AAK1: variants seen among roughly 807,000 people sequenced by gnomAD.
AAK1 encodes AP2-associated protein kinase 1.
A neutral mutation model predicts 116.0 loss-of-function variants in AAK1; 37 were observed. That is an observed-to-expected ratio of 0.32 (90% CI 0.25 to 0.42). The LOEUF (loss-of-function observed/expected upper bound fraction) is 0.42, where lower values mean the gene tolerates loss of function less well. Among genes scored for constraint, AAK1 ranks in the 10% least tolerant of loss-of-function variants. The pLI is 1.00. For missense variants in AAK1, 919 were observed against 1,170.6 expected, an observed-to-expected ratio of 0.79 and a Z score of 3.14; for synonymous variants, 458 against 439.9, an observed-to-expected ratio of 1.04 and a Z score of -0.51.
chr2:69,558,738 CT>C (rs1671501057), intron 2 of AAK1, among the ~76,000 whole-genome samples: 1 of 152,142 alleles, frequency 6.6e-6, no homozygotes, highest in South Asian at 2.1e-4. Context: ...TGACATAGTA[CT>C]GGGTTAGGAG....
intron 9 of AAK1, among the ~76,000 whole-genome samples, chr2:69,525,482 T>C (rs1013455329): frequency 5.9e-5 from 9 of 152,210 alleles, no homozygotes; most frequent in Non-Finnish European, 1.3e-4. Context: ...AGGAAATGTC[T>C]GTAGCTGGTA....
chr2:69,495,664 A>C (rs1558908982), intron 17 of AAK1, among the ~76,000 whole-genome samples: 1 of 152,204 alleles, frequency 6.6e-6, no homozygotes, highest in East Asian at 1.9e-4. Context: ...CATTGTTAAA[A>C]TCATATTGGA....
intron 2 of AAK1, among the ~76,000 whole-genome samples, chr2:69,629,394 C>T (rs1389552622): frequency 2.0e-5 from 3 of 152,164 alleles, no homozygotes; most frequent in Non-Finnish European, 4.4e-5. Context: ...GTTTAGAGTT[C>T]CTTTATATAG....
chr2:69,507,471 T>C lies in AAK1; in HGVS notation c.2114A>G (p.Lys705Arg), dbSNP rs1676229370. The C allele has an allele frequency of 6.2e-7, 1 of 1,613,028 alleles. No individual in the cohort carries two copies. The highest frequency in any genetic ancestry group is 1.3e-5 in the African/African-American group (1 of 74,930). ...WNPFDDDNFS[K>R]LTAEELLNKD... ...GTTTAGCAGTTCTTCAGCTGTGAGT[T>C]TGGAGAAATTATCGTCATCAAAGGG... is the stretch of plus-strand genomic sequence containing the variant. Residue 705 changes from lysine to arginine, a missense_variant, in exon 15 of 22, where the codon AAA (lysine) becomes AGA (arginine). Physicochemically the swap from Lys to Arg is conservative, Grantham distance 26. Coordinates refer to ENST00000409085, the MANE Select transcript of AAK1 (RefSeq NM_014911.5).
chr2:69,616,102 T>G (rs1674316625), intron 2 of AAK1, among the ~76,000 whole-genome samples: 1 of 152,170 alleles, frequency 6.6e-6, no homozygotes. Context: ...ACCACTTTCC[T>G]TTTCGGGCGA....
intron 2 of AAK1, among the ~76,000 whole-genome samples, chr2:69,628,359 C>T (rs1206902764): frequency 1.3e-5 from 2 of 152,080 alleles, no homozygotes; most frequent in African/African-American, 4.8e-5. Context: ...ATCTCATTCT[C>T]CCTCCCAAAT....
Position 69,466,427 on chromosome 2 carries a change from G to T in AAK1, c.*9442C>A. On this transcript the variant is annotated 3_prime_UTR_variant, in exon 22 of 22. Transcript: ENST00000409085. The stretch of plus-strand genomic sequence containing the variant: ...TGGCCAAGTAGTCAGATTCTAAGTT[G>T]TTCTGAGTCTTTGTGCCAGGTACTC... 2 of 1,289,762 alleles carry T rather than the reference G, an allele frequency of 1.6e-6. No homozygotes were observed. The highest frequency in any genetic ancestry group is 2.0e-6 in the Non-Finnish European group (2 of 988,852). 79.9% of individuals were successfully genotyped at this position (1,289,762 alleles called of 1,614,324 possible). A position where few individuals can be genotyped will look rare whatever the true frequency, so the allele number is the denominator to read the frequency against.
chr2:69,484,342 T>A (rs1228078013), intron 17 of AAK1, among the ~76,000 whole-genome samples: 1 of 152,140 alleles, frequency 6.6e-6, no homozygotes, highest in Non-Finnish European at 1.5e-5. Flanking sequence ...GATTTCAGAG[T>A]CTTGGCAAGA....
In AAK1 at chr2:69,469,566, T is replaced by C. The variant is rs974808147; in HGVS notation, c.*6303A>G. ...ACATGCCTTGACCCAGTTCCTTTGG[T>C]AACCAATGGCACGTCATAGCAGATA... On this transcript the variant is annotated 3_prime_UTR_variant, in exon 22 of 22. Transcript: ENST00000409085. 1.0e-6 allele frequency: 1 copy of C among 985,306 alleles called. No individual in the cohort carries two copies. Among genetic ancestry groups the C allele is most frequent in the East Asian group, 1.1e-4 (1 of 8,826 alleles). 61.0% of individuals were successfully genotyped at this position (985,306 alleles called of 1,614,324 possible).
chr2:69,586,027 G>A lies in AAK1; in HGVS notation c.164-29049C>T, dbSNP rs150188510. Among the ~76,000 whole-genome samples, 376 of 152,120 alleles carry A rather than the reference G, an allele frequency of 2.5e-3. 2 individuals carry two copies. The highest frequency in any genetic ancestry group is 4.1e-3 in the Non-Finnish European group (279 of 67,972). On this transcript the variant is annotated intron_variant, in intron 2 of 21. Transcript: ENST00000409085. ...TGGTGCGGAGTGCTCCCTGCCCTCC[G>A]CACGTCACTGCCCCAAGGGGTCTGG...
At chr2:69,622,710 G>A (rs1342301526) in intron 2 of AAK1, among the ~76,000 whole-genome samples, 2 of 152,122 alleles carry the variant, frequency 1.3e-5, no homozygotes, top group South Asian at 4.1e-4. Context: ...CTGAGGGATT[G>A]TAAATACACC....
chr2:69,557,015 T>C lies in AAK1; in HGVS notation c.164-37A>G, dbSNP rs535030621. 80 of 1,534,296 alleles carry C rather than the reference T, an allele frequency of 5.2e-5. No individual in the cohort carries two copies. The East Asian group carries it at 1.2e-3, about 23-fold the overall frequency. ...ACACACACAAGCTCTTTTGAGTCAA[T>C]GTTCAAAAAGTCAGCCACATAACTG... On this transcript the variant is annotated intron_variant, in intron 2 of 21. Transcript: ENST00000409085.
chr2:69,482,488 C>A (rs1403146201), intron 18 of AAK1: 4 of 637,358 alleles, frequency 6.3e-6, no homozygotes, highest in African/African-American at 3.7e-5. Context: ...CATAAGAGAT[C>A]CACTCTAGAA....
chr2:69,546,834 G>C (rs1398316461), intron 3 of AAK1, among the ~76,000 whole-genome samples: 2 of 147,042 alleles, frequency 1.4e-5, no homozygotes, highest in Non-Finnish European at 3.0e-5. Context: ...ACATCTGCTG[G>C]TTAATAAACT....
Position 69,466,998 on chromosome 2 carries a change from C to T in AAK1, c.*8871G>A. ...GAATCTGGCATGTGGTCATCCGCGC[C>T]ACATGCAGAGGGACAAACTCTCTGA... On this transcript the variant is annotated 3_prime_UTR_variant, in exon 22 of 22. Coordinates refer to ENST00000409085, the MANE Select transcript of AAK1 (RefSeq NM_014911.5). 1 of 985,414 alleles carries T rather than the reference C, an allele frequency of 1.0e-6. No individual in the cohort carries two copies. Among genetic ancestry groups the T allele is most frequent in the East Asian group, 1.1e-4 (1 of 8,822 alleles). 61.0% of individuals were successfully genotyped at this position (985,414 alleles called of 1,614,324 possible).
chr2:69,587,795 A>ACTAT (rs1672854748), intron 2 of AAK1, among the ~76,000 whole-genome samples: 1 of 151,946 alleles, frequency 6.6e-6, no homozygotes, highest in East Asian at 1.9e-4. Context: ...ATTTTTTTGT[A>ACTAT]GAGACAGAGT....
At chr2:69,504,978 T>A (rs975154035) in intron 16 of AAK1, among the ~76,000 whole-genome samples, 3 of 152,196 alleles carry the variant, frequency 2.0e-5, no homozygotes, top group African/African-American at 7.2e-5. Context: ...AATGTATAAT[T>A]TTTTATTAAT....
intron 8 of AAK1, among the ~76,000 whole-genome samples, chr2:69,529,802 G>A (rs1670179530): frequency 6.6e-6 from 1 of 152,102 alleles, no homozygotes; most frequent in Non-Finnish European, 1.5e-5. Context: ...CTGGGCTCAG[G>A]TGTGAAACAG....
At position 69,591,530 on chromosome 2, in the gene AAK1, T is replaced by TC. The variant is rs1319765219; in HGVS notation, c.164-34553_164-34552insG. Among the ~76,000 whole-genome samples the TC allele has an allele frequency of 1.0e-4, 15 of 147,980 alleles. No homozygotes were observed. The East Asian group carries it at 2.2e-3, about 21-fold the overall frequency. On this transcript the variant is annotated intron_variant, in intron 2 of 21. Transcript: ENST00000409085. The stretch of plus-strand genomic sequence containing the variant: ...TTTTCTTTTTTTCTTTTTCTTTTTT[T>TC]TTTTTTTTGAGAGGGAGTCTCGCTC...
Sources: gnomAD v4.1 joint callset for allele counts (sites outside exome capture counted in the v4.1 genomes callset) on GRCh38, gnomAD v4.1.1 for gene constraint, MANE v1.5 for transcripts, NCBI Gene and HGNC (gene_info 2026-07-23, HGNC 2026-07-21) for gene names.